TMEM132C: variants seen among roughly 807,000 people sequenced by gnomAD.
TMEM132C encodes protein phosphatase 1, regulatory subunit 152.
TMEM132C carries 29 observed loss-of-function variants against 61.4 expected under a neutral mutation model. The observed-to-expected ratio is 0.47, with a 90% CI of 0.35 to 0.64. The LOEUF (loss-of-function observed/expected upper bound fraction) is 0.64, where lower values mean the gene tolerates loss of function less well. TMEM132C is among the 30% of genes least tolerant of loss of function. The pLI, the probability that TMEM132C is intolerant of heterozygous loss-of-function variation, is 0.00. For synonymous variants in TMEM132C, 656 were observed against 633.1 expected, an observed-to-expected ratio of 1.04 and a Z score of -0.54; for missense variants, 1,408 against 1,476.9, an observed-to-expected ratio of 0.95 and a Z score of 0.76.
At chr12:128,636,564 T>G (rs80039301) in intron 4 of TMEM132C, among the ~76,000 whole-genome samples, 128 of 142,340 alleles carry the variant, frequency 9.0e-4, no homozygotes, top group African/African-American at 3.2e-3. Context: ...GGGTTTTTGT[T>G]TGTGTGTGTG....
intron 1 of TMEM132C, among the ~76,000 whole-genome samples, chr12:128,361,311 T>G (rs1873702329): frequency 6.6e-6 from 1 of 152,096 alleles, no homozygotes; most frequent in Non-Finnish European, 1.5e-5. Context: ...AGGGGAAGGA[T>G]GGGAGGATAC....
chr12:128,306,308 A>T (rs951868857), intron 1 of TMEM132C, among the ~76,000 whole-genome samples: 5 of 149,252 alleles, frequency 3.4e-5, no homozygotes, highest in Admixed American at 6.7e-5. Context: ...GTTCTGCCAT[A>T]CTCCTGCCTC....
At chr12:128,693,026 C>A (rs758315337) in intron 5 of TMEM132C, among the ~76,000 whole-genome samples, 1 of 152,124 alleles carries the variant, frequency 6.6e-6, no homozygotes. Flanking sequence ...AATAATCCCA[C>A]GGGGTCATAG....
intron 3 of TMEM132C, among the ~76,000 whole-genome samples, chr12:128,615,416 A>G (rs1254897736): frequency 2.0e-5 from 3 of 152,240 alleles, no homozygotes; most frequent in Non-Finnish European, 4.4e-5. Context: ...AACTAATTAC[A>G]TAAGTCACCG....
rs796919989 is a variant in TMEM132C, at chr12:128,355,552, C to T, written c.86-59180C>T. Among the ~76,000 whole-genome samples, 35 of 152,024 alleles carry T rather than the reference C, an allele frequency of 2.3e-4. 1 individual carries two copies. Among genetic ancestry groups the T allele is most frequent in the African/African-American group, 8.4e-4 (35 of 41,462 alleles). ...CTTAAATCCTGTCAGTCATTGTCAC[C>T]CCTCTGCTTGACACCCTCCATGGCT... On this transcript the variant is annotated intron_variant, in intron 1 of 8. Transcript: ENST00000435159.
chr12:128,521,429 T>A (rs2136127656), intron 2 of TMEM132C, among the ~76,000 whole-genome samples: 1 of 151,862 alleles, frequency 6.6e-6, no homozygotes, highest in Non-Finnish European at 1.5e-5. Flanking sequence ...GTATTCCTCC[T>A]AATGCTATCC....
chr12:128,460,828 G>A (rs1870507762), intron 2 of TMEM132C, among the ~76,000 whole-genome samples: 1 of 152,062 alleles, frequency 6.6e-6, no homozygotes, highest in Admixed American at 6.5e-5. Context: ...TGCCATTGGA[G>A]CTTTTCCCAG....
intron 4 of TMEM132C, among the ~76,000 whole-genome samples, chr12:128,635,929 G>A (rs1045120456): frequency 7.9e-5 from 12 of 152,164 alleles, no homozygotes; most frequent in African/African-American, 2.9e-4. Context: ...TCCTGCATTC[G>A]GAGAGCCCCA....
intron 2 of TMEM132C, among the ~76,000 whole-genome samples, chr12:128,502,113 A>T (rs182891435): frequency 5.3e-5 from 8 of 152,378 alleles, no homozygotes; most frequent in African/African-American, 1.9e-4. Context: ...AGTGGTTGCA[A>T]TGTGCAGCCA....
Position 128,656,521 on chromosome 12 carries a change from C to T in TMEM132C, c.1306-12896C>T, listed in dbSNP as rs149006953. On this transcript the variant is annotated intron_variant, in intron 4 of 8. Coordinates refer to ENST00000435159, the MANE Select transcript of TMEM132C (RefSeq NM_001136103.3). Reference sequence around the variant, plus strand: ...GATTTTCTAAAGTACTGCATATTTCCGTTTACTTTTGGACTAGACCGGTTC... The same window carrying T: ...GATTTTCTAAAGTACTGCATATTTCTGTTTACTTTTGGACTAGACCGGTTC... Among the ~76,000 whole-genome samples, 14 of 152,322 alleles carry T rather than the reference C, an allele frequency of 9.2e-5. No individual in the cohort carries two copies. The East Asian group carries it at 1.5e-3, about 17-fold the overall frequency.
chr12:128,314,133 A>G (rs1180659304), intron 1 of TMEM132C, among the ~76,000 whole-genome samples: 1 of 152,250 alleles, frequency 6.6e-6, no homozygotes, highest in Non-Finnish European at 1.5e-5. Context: ...TCTCTCGGAG[A>G]TCAAAGGACT....
intron 8 of TMEM132C, among the ~76,000 whole-genome samples, chr12:128,699,177 A>G (rs1954786395): frequency 6.6e-6 from 1 of 152,186 alleles, no homozygotes; most frequent in Non-Finnish European, 1.5e-5. Context: ...GGGTCTATGA[A>G]GAGCTAGAGT....
intron 1 of TMEM132C, among the ~76,000 whole-genome samples, chr12:128,384,875 G>C: frequency 6.6e-6 from 1 of 152,168 alleles, no homozygotes; most frequent in East Asian, 1.9e-4. Flanking sequence ...CAAATGCCAT[G>C]TAAATAGAGT....
intron 1 of TMEM132C, among the ~76,000 whole-genome samples, chr12:128,388,031 A>G (rs1178196988): frequency 1.3e-5 from 2 of 152,148 alleles, no homozygotes; most frequent in Non-Finnish European, 2.9e-5. Context: ...AGGTTCCTGT[A>G]TGGGTCTGAC....
At chr12:128,316,146 A>T (rs1565899031) in intron 1 of TMEM132C, among the ~76,000 whole-genome samples, 1 of 152,030 alleles carries the variant, frequency 6.6e-6, no homozygotes, top group Non-Finnish European at 1.5e-5. Context: ...TTGGTTTCTT[A>T]CATAGCGTAA....
At chr12:128,564,345 C>T (rs1034773355) in intron 3 of TMEM132C, among the ~76,000 whole-genome samples, 10 of 152,144 alleles carry the variant, frequency 6.6e-5, no homozygotes, top group African/African-American at 1.7e-4. Flanking sequence ...TTATTTCTCA[C>T]GGCTTTGCAG....
chr12:128,344,711 A>T (rs1015548216), intron 1 of TMEM132C, among the ~76,000 whole-genome samples: 1 of 152,100 alleles, frequency 6.6e-6, no homozygotes. Flanking sequence ...GCATTTCCTG[A>T]ATCACTAATG....
chr12:128,504,312 A>G (rs1217683574), intron 2 of TMEM132C, among the ~76,000 whole-genome samples: 1 of 152,052 alleles, frequency 6.6e-6, no homozygotes, highest in Non-Finnish European at 1.5e-5. Flanking sequence ...CCAGAATCCC[A>G]CCCAGTTTCA....
rs188960637 is a variant in TMEM132C at position 128,683,658 on chromosome 12, T to A, written c.1450-10171T>A. Among the ~76,000 whole-genome samples, 310 of 152,308 alleles carry A rather than the reference T, an allele frequency of 2.0e-3. 3 individuals are homozygous for A. The highest frequency in any genetic ancestry group is 0.01 in the Middle Eastern group (3 of 294). On this transcript the variant is annotated intron_variant, in intron 5 of 8. Transcript: ENST00000435159. ...TAAACTCTGAGAACAGAAACTAGTG[T>A]ACAGCAGACACTTAATAAGTGTTGG...
Sources: allele counts gnomAD v4.1 joint callset (sites outside exome capture counted in the v4.1 genomes callset), GRCh38; gene constraint gnomAD v4.1.1; transcripts MANE v1.5; gene names NCBI Gene and HGNC (gene_info 2026-07-23, HGNC 2026-07-21).